Variants in WLS observed in about 807,000 individuals in gnomAD.
WLS encodes protein wntless homolog.
Under a neutral mutation model 62.8 loss-of-function variants are expected in WLS, and 23 were observed. The observed-to-expected ratio is 0.37, with a 90% CI of 0.26 to 0.52. The LOEUF is 0.52. WLS is among the 20% of genes least tolerant of loss of function. The pLI is 0.92. For synonymous variants in WLS, 246 were observed against 244.1 expected (o/e 1.01, Z -0.07); for missense variants, 615 against 697.3 (o/e 0.88, Z 1.33).
chr1:68,163,334 G>A (rs1006573791), intron 2 of WLS, among the ~76,000 whole-genome samples: 5 of 152,160 alleles, frequency 3.3e-5, no homozygotes, highest in African/African-American at 1.2e-4. Context: ...GACGGTCAGC[G>A]TCCACGGCAA....
chr1:68,169,694 A>G (rs905957062), intron 2 of WLS, among the ~76,000 whole-genome samples: 1 of 152,212 alleles, frequency 6.6e-6, no homozygotes, highest in African/African-American at 2.4e-5. Flanking sequence ...CTCCATGACT[A>G]AAACACCTGC....
downstream of WLS, among the ~76,000 whole-genome samples, chr1:68,124,429 C>A (rs1025789882): frequency 6.6e-6 from 1 of 152,224 alleles, no homozygotes; most frequent in African/African-American, 2.4e-5. Flanking sequence ...CCATGCTTTG[C>A]ATCTTTCTTC....
At chr1:68,221,697 AC>A (rs1649948083) in intron 1 of WLS, among the ~76,000 whole-genome samples, 2 of 152,200 alleles carry the variant, frequency 1.3e-5, no homozygotes, top group African/African-American at 2.4e-5. Flanking sequence ...TTTAGTGATC[AC>A]CTGAAGGCAA....
chr1:68,207,448 A>C (rs1396289738), intron 1 of WLS, among the ~76,000 whole-genome samples: 1 of 152,258 alleles, frequency 6.6e-6, no homozygotes, highest in Non-Finnish European at 1.5e-5. Flanking sequence ...TTTGCTAATG[A>C]AATCAATTCA....
At chr1:68,155,922 T>C (rs916370111) in intron 3 of WLS, among the ~76,000 whole-genome samples, 1 of 152,110 alleles carries the variant, frequency 6.6e-6, no homozygotes, top group Non-Finnish European at 1.5e-5. Flanking sequence ...TTCCTAACAG[T>C]CCAAGATGGC....
Position 68,155,166 on chromosome 1 carries a change from C to A in WLS, c.599G>T (p.Arg200Leu), listed in dbSNP as rs775326068. The change falls in exon 4 of 12, where the codon CGG (arginine) becomes CTG (leucine). Residue 200 changes from arginine (R) to leucine (L), a missense_variant. Arg to Leu is a moderately radical substitution (Grantham distance 102). Transcript: ENST00000262348. ...VAHKFYLLNI[R>L]LPVNEKKKIN... ...TTTCTTCTTCTCATTCACAGGCAGC[C>A]GGATGTTTAAAAGGTAAAACTTATG... 1 of 1,613,934 alleles carries A rather than the reference C, an allele frequency of 6.2e-7. No individual in the cohort carries two copies. Among genetic ancestry groups the A allele is most frequent in the South Asian group, 1.1e-5 (1 of 91,044 alleles).
intron 1 of WLS, among the ~76,000 whole-genome samples, chr1:68,226,337 C>T (rs1050873334): frequency 6.6e-6 from 1 of 152,062 alleles, no homozygotes; most frequent in African/African-American, 2.4e-5. Context: ...TGCAGTTTTA[C>T]TAGATCTTTC....
intron 1 of WLS, among the ~76,000 whole-genome samples, chr1:68,213,681 C>T (rs1649613084): frequency 6.6e-6 from 1 of 151,942 alleles, no homozygotes; most frequent in South Asian, 2.1e-4. Context: ...TACCAAACCC[C>T]CATGTATCAA....
At chr1:68,231,557 C>T in intron 1 of WLS, 1 of 284,454 alleles carries the variant, frequency 3.5e-6, no homozygotes, top group South Asian at 2.9e-5. Context: ...CCCACCCCAT[C>T]CCACCCAACC....
chr1:68,221,763 G>A (rs1432646660), intron 1 of WLS, among the ~76,000 whole-genome samples: 2 of 152,180 alleles, frequency 1.3e-5, no homozygotes, highest in Non-Finnish European at 2.9e-5. Context: ...ATTAGATGGT[G>A]CAGAAAAACA....
chr1:68,125,484 G>T lies in WLS; in HGVS notation c.*742C>A. On this transcript the variant is annotated 3_prime_UTR_variant, in exon 12 of 12. Coordinates refer to ENST00000262348, the MANE Select transcript of WLS (RefSeq NM_024911.7). ...CTTATCAAAATAAAACGCATTTTAA[G>T]CAAGAAGTTAAAAAAGCTTTTCAGA... The T allele has an allele frequency of 1.0e-6, 1 of 985,394 alleles. No individual in the cohort carries two copies. Among genetic ancestry groups the T allele is most frequent in the Non-Finnish European group, 1.2e-6 (1 of 829,922 alleles). 61.0% of individuals were successfully genotyped at this position (985,394 alleles called of 1,614,324 possible).
intron 10 of WLS, 35 bp downstream of exon 10, chr1:68,144,534 G>A: frequency 1.3e-6 from 2 of 1,593,326 alleles, no homozygotes; most frequent in African/African-American, 1.3e-5. Context: ...TCTCTGCAGA[G>A]ACATTCTCAC....
chr1:68,164,484 C>T (rs1647033161), intron 2 of WLS, among the ~76,000 whole-genome samples: 1 of 152,186 alleles, frequency 6.6e-6, no homozygotes, highest in Non-Finnish European at 1.5e-5. Context: ...TCTTGAACTC[C>T]TGACCTCAGG....
Position 68,150,230 on chromosome 1 carries a change from C to A in WLS, c.930G>T (p.Met310Ile). The A allele has an allele frequency of 6.2e-7, 1 of 1,614,182 alleles. No homozygotes were observed. The highest frequency in any genetic ancestry group is 1.1e-5 in the South Asian group (1 of 91,080). The change falls in exon 6 of 12, where the codon ATG becomes ATT. Residue 310 changes from methionine to isoleucine, a missense_variant. Physicochemically the swap from Met to Ile is conservative, Grantham distance 10 (BLOSUM62 1). Coordinates refer to ENST00000262348, the MANE Select transcript of WLS (RefSeq NM_024911.7). Reference protein sequence around the residue: ...GDIRQGIFYAMLLSFWIIFCG... With the variant: ...GDIRQGIFYAILLSFWIIFCG... ...AGAAGATGATCCAGAAGGACAGAAGCATCGCATAGAAGATGCCCTGTCGGA... is the reference window on the plus strand; with the variant it reads ...AGAAGATGATCCAGAAGGACAGAAGAATCGCATAGAAGATGCCCTGTCGGA...
intron 11 of WLS, among the ~76,000 whole-genome samples, chr1:68,133,581 C>T (rs927923395): frequency 2.0e-5 from 3 of 152,108 alleles, no homozygotes; most frequent in African/African-American, 7.2e-5. Flanking sequence ...CTGAGGTGCT[C>T]CGTGGTTCAT....
chr1:68,214,726 G>C (rs1341032572), intron 1 of WLS, among the ~76,000 whole-genome samples: 1 of 152,176 alleles, frequency 6.6e-6, no homozygotes, highest in Non-Finnish European at 1.5e-5. Context: ...AGGAAAGCCT[G>C]CTCAAAGATA....
At chr1:68,120,199 G>A (rs1557453439) in intron 11 of WLS, among the ~76,000 whole-genome samples, 1 of 152,202 alleles carries the variant, frequency 6.6e-6, no homozygotes, top group East Asian at 1.9e-4. Context: ...TTCAGGTGGG[G>A]TGAAGGGGGT....
At chr1:68,111,143 A>C (rs1646224056) in intron 11 of WLS, among the ~76,000 whole-genome samples, 1 of 152,214 alleles carries the variant, frequency 6.6e-6, no homozygotes, top group Non-Finnish European at 1.5e-5. Context: ...GAATAGTAGG[A>C]AGTAAATGTC....
rs758667654 is a variant in WLS at position 68,144,689 on chromosome 1, G to C, written c.1279-37C>G. The stretch of plus-strand genomic sequence containing the variant: ...GAAAGAGTAGTTTAATACTCCATCA[G>C]CTACCAATCCTTTTCTCACTATGTA... On this transcript the variant is annotated intron_variant, in intron 9 of 11. Coordinates refer to ENST00000262348, the MANE Select transcript of WLS (RefSeq NM_024911.7). The C allele has an allele frequency of 2.7e-6, 4 of 1,508,790 alleles. No individual in the cohort carries two copies. In the South Asian group the frequency reaches 4.5e-5, roughly 17 times the overall value. 93.5% of individuals were successfully genotyped at this position (1,508,790 alleles called of 1,614,324 possible). A position where few individuals can be genotyped will look rare whatever the true frequency, so the allele number is the denominator to read the frequency against.
Sources: gnomAD v4.1 joint callset for allele counts (sites outside exome capture counted in the v4.1 genomes callset) on GRCh38, gnomAD v4.1.1 for gene constraint, MANE v1.5 for transcripts, NCBI Gene and HGNC (gene_info 2026-07-23, HGNC 2026-07-21) for gene names.